The following PAIP2B variants were observed in gnomAD, a reference collection of about 807,000 sequenced individuals.
PAIP2B encodes the protein polyadenylate-binding protein-interacting protein 2B.
PAIP2B carries 13 observed loss-of-function variants against 17.0 expected under a neutral mutation model. The ratio of observed to expected loss-of-function variants is 0.76; its 90% CI spans 0.50 to 1.22. The LOEUF (loss-of-function observed/expected upper bound fraction) is 1.22, where lower values mean the gene tolerates loss of function less well. PAIP2B is among the 50% of genes most tolerant of loss of function. The pLI is 0.00. For synonymous variants in PAIP2B, 43 were observed against 48.7 expected (o/e 0.88, Z 0.48); for missense variants, 117 against 144.5 (o/e 0.81, Z 0.98).
rs141823454 is a variant in PAIP2B, at chr2:71,220,990, A to C, written c.-12+5938T>G. 7.9e-5 allele frequency among the ~76,000 whole-genome samples: 12 copies of C among 152,340 alleles called. No homozygotes were observed. In the East Asian group the frequency reaches 2.1e-3, roughly 27 times the overall value. ...TTCAGGACCTTGAACAGTGTGCAACACATGTATGCTTCACAGGCAGAGAAG... is the reference window on the plus strand; with the variant it reads ...TTCAGGACCTTGAACAGTGTGCAACCCATGTATGCTTCACAGGCAGAGAAG... On this transcript the variant is annotated intron_variant, in intron 1 of 3. Transcript: ENST00000244221.
chr2:71,186,505 T>TC lies in PAIP2B; in HGVS notation c.*1973dup, dbSNP rs1674544089. ...GCAGAAGGAAAGACAAGCTCCTTTC[T>TC]CTCTGCAATCCCAACGCATTTCTAA... On this transcript the variant is annotated 3_prime_UTR_variant, in exon 4 of 4. Coordinates refer to ENST00000244221, the MANE Select transcript of PAIP2B (RefSeq NM_020459.1). The TC allele has an allele frequency of 1.3e-5, 2 of 152,200 alleles. No homozygotes were observed. Among genetic ancestry groups the TC allele is most frequent in the African/African-American group, 4.8e-5 (2 of 41,438 alleles). The allele number at this position is 152,200 out of a possible 1,614,324, so 9.4% of individuals were successfully genotyped here. A position where few individuals can be genotyped will look rare whatever the true frequency, so the allele number is the denominator to read the frequency against.
intron 2 of PAIP2B, among the ~76,000 whole-genome samples, chr2:71,199,322 T>A (rs1674913987): frequency 3.3e-5 from 5 of 151,504 alleles, no homozygotes; most frequent in Admixed American, 3.3e-4. Flanking sequence ...CACTCACACA[T>A]AATGAATATT....
rs1369401225 is a variant in PAIP2B at position 71,188,465 on chromosome 2, A to T, written c.*14T>A. The stretch of plus-strand genomic sequence containing the variant: ...ATGTGGGGACAGACAAGTCTTCCTC[A>T]AAGCTTTCTCGGCTCAGTACTTCTC... On this transcript the variant is annotated 3_prime_UTR_variant, in exon 4 of 4. Transcript: ENST00000244221. 1 of 1,604,578 alleles carries T rather than the reference A, an allele frequency of 6.2e-7. No individual in the cohort carries two copies. The highest frequency in any genetic ancestry group is 2.2e-5 in the East Asian group (1 of 44,708).
chr2:71,192,603 C>T (rs934549914), intron 2 of PAIP2B, among the ~76,000 whole-genome samples: 6 of 152,160 alleles, frequency 3.9e-5, no homozygotes, highest in South Asian at 2.1e-4. Context: ...CACCCACCCC[C>T]GTCAAGTAGA....
rs1433942650 is a variant in PAIP2B at position 71,187,546 on chromosome 2, G to A, written c.*933C>T. On this transcript the variant is annotated 3_prime_UTR_variant, in exon 4 of 4. Transcript: ENST00000244221. ...GACACCAGGAAGACCAAGTGTTGAT[G>A]AGGCTGGAAAAAAAAACTGTCCAAA... The A allele has an allele frequency of 6.6e-6, 1 of 152,156 alleles. No individual in the cohort carries two copies. The highest frequency in any genetic ancestry group is 2.4e-5 in the African/African-American group (1 of 41,414). The allele number at this position is 152,156 out of a possible 1,614,324, so 9.4% of individuals were successfully genotyped here. A position where few individuals can be genotyped will look rare whatever the true frequency, so the allele number is the denominator to read the frequency against.
At chr2:71,205,063 GA>G (rs796391253) in intron 1 of PAIP2B, among the ~76,000 whole-genome samples, 11 of 146,360 alleles carry the variant, frequency 7.5e-5, no homozygotes, top group Middle Eastern at 3.5e-3. Context: ...AAGAAAGAAA[GA>G]AAAAAAAAAC....
chr2:71,204,715 C>T (rs948466416), intron 1 of PAIP2B, among the ~76,000 whole-genome samples: 1 of 151,842 alleles, frequency 6.6e-6, no homozygotes, highest in Admixed American at 6.6e-5. Context: ...GGGAAAGAAA[C>T]CAGTTCTTTA....
rs357776 is a variant in PAIP2B, at chr2:71,190,004, C to T, written c.156G>A (p.Gln52=). 0.27 allele frequency: 441,781 copies of T among 1,610,446 alleles called. 63,813 individuals carry two copies. Among genetic ancestry groups the T allele is most frequent in the South Asian group, 0.48 (43,474 of 90,200 alleles). The change falls in exon 3 of 4, where the codon CAG becomes CAA. Residue 52 remains glutamine (Q), a synonymous_variant. Coordinates refer to ENST00000244221, the MANE Select transcript of PAIP2B (RefSeq NM_020459.1). ...AGCAGCGGTCCAAGAAGTCTTGCTC[C>T]TGCAGTTCCTCCTCCACCTAGCAAG... is the stretch of plus-strand genomic sequence containing the variant. The part of the protein sequence containing the change: ...DFNRQVEEEL[Q]EQDFLDRCFQ...
At chr2:71,218,487 A>G (rs1356167215) in intron 1 of PAIP2B, among the ~76,000 whole-genome samples, 3 of 152,232 alleles carry the variant, frequency 2.0e-5, no homozygotes, top group Admixed American at 2.0e-4. Flanking sequence ...CTTAAAGACG[A>G]GCAAAGATGA....
chr2:71,193,559 T>C (rs373493175), intron 2 of PAIP2B, among the ~76,000 whole-genome samples: 3 of 152,162 alleles, frequency 2.0e-5, no homozygotes. Flanking sequence ...AGGGTTTTTA[T>C]AGTTTTGGGT....
At chr2:71,207,350 A>G (rs1016852921) in intron 1 of PAIP2B, among the ~76,000 whole-genome samples, 1 of 152,196 alleles carries the variant, frequency 6.6e-6, no homozygotes, top group Non-Finnish European at 1.5e-5. Flanking sequence ...GGGAACTACA[A>G]GAAGGTAGGT....
chr2:71,208,699 C>A (rs577571656), intron 1 of PAIP2B, among the ~76,000 whole-genome samples: 3 of 152,178 alleles, frequency 2.0e-5, no homozygotes, highest in Middle Eastern at 3.4e-3. Context: ...AGGAGATCAT[C>A]CTGAATTATT....
chr2:71,209,863 G>T (rs768821507), intron 1 of PAIP2B, among the ~76,000 whole-genome samples: 2 of 149,920 alleles, frequency 1.3e-5, no homozygotes, highest in Non-Finnish European at 3.0e-5. Context: ...TCACTCTGTC[G>T]CCCCAGGCTG....
chr2:71,217,172 C>T (rs1171507073), intron 1 of PAIP2B, among the ~76,000 whole-genome samples: 1 of 152,162 alleles, frequency 6.6e-6, no homozygotes, highest in Non-Finnish European at 1.5e-5. Flanking sequence ...GTCTCACTGT[C>T]GTCTAGGCTG....
At chr2:71,211,513 G>C (rs1340656912) in intron 1 of PAIP2B, among the ~76,000 whole-genome samples, 1 of 151,106 alleles carries the variant, frequency 6.6e-6, no homozygotes, top group African/African-American at 2.4e-5. Context: ...ACCTCTACCT[G>C]GAATAGTCCA....
At chr2:71,215,296 T>C (rs1468371381) in intron 1 of PAIP2B, among the ~76,000 whole-genome samples, 1 of 150,234 alleles carries the variant, frequency 6.7e-6, no homozygotes, top group African/African-American at 2.5e-5. Flanking sequence ...AGACTTCGTC[T>C]CAAAAAAAAA....
intron 1 of PAIP2B, among the ~76,000 whole-genome samples, chr2:71,203,301 T>A (rs1675033366): frequency 6.6e-6 from 1 of 152,128 alleles, no homozygotes; most frequent in African/African-American, 2.4e-5. Context: ...TACCATCTTT[T>A]GGGGGTGTTT....
At chr2:71,194,805 C>T (rs376218934) in intron 2 of PAIP2B, among the ~76,000 whole-genome samples, 6 of 152,182 alleles carry the variant, frequency 3.9e-5, no homozygotes, top group South Asian at 2.1e-4. Flanking sequence ...TGTCTTGTAC[C>T]GGTTTTCAAG....
At chr2:71,224,937 T>C (rs536294951) in intron 1 of PAIP2B, among the ~76,000 whole-genome samples, 3 of 152,328 alleles carry the variant, frequency 2.0e-5, no homozygotes, top group African/African-American at 7.2e-5. Context: ...GATTTGCAAT[T>C]TGTCCAGGAT....
Sources: gnomAD v4.1 joint callset for allele counts (sites outside exome capture counted in the v4.1 genomes callset) on GRCh38, gnomAD v4.1.1 for gene constraint, MANE v1.5 for transcripts, NCBI Gene and HGNC (gene_info 2026-07-23, HGNC 2026-07-21) for gene names.